The following RHOH variants were observed in gnomAD, a reference collection of about 807,000 sequenced individuals.
RHOH encodes the protein ras homolog family member H.
In RHOH, 6 loss-of-function variants were observed where a neutral mutation model predicts 13.8. The observed-to-expected ratio is 0.44, with a 90% CI of 0.24 to 0.86. The LOEUF is 0.86. Among genes scored for constraint, RHOH ranks in the 40% least tolerant of loss-of-function variants. RHOH has a pLI of 0.24. For missense variants in RHOH, 147 were observed against 244.5 expected (o/e 0.60, Z 2.66); for synonymous variants, 117 against 103.0 (o/e 1.14, Z -0.82).
Position 40,243,487 on chromosome 4 carries a change from A to G in RHOH, c.101A>G (p.Lys34Arg), listed in dbSNP as rs370515707. 6.2e-7 allele frequency: 1 copy of G among 1,613,656 alleles called. No homozygotes were observed. Among genetic ancestry groups the G allele is most frequent in the East Asian group, 2.2e-5 (1 of 44,840 alleles). ...FTSETFPEAY[K>R]PTVYENTGVD... ...TCCGAGACCTTCCCGGAGGCCTACA[A>G]GCCCACAGTGTACGAGAACACAGGG... The change falls in exon 3 of 3, where the codon AAG becomes AGG. Residue 34 changes from lysine (K) to arginine (R), a missense_variant. Around this residue, in one of 3 missense-constraint regions of RHOH, gnomAD observed 80 missense variants for 152.0 expected, o/e 0.53. Coordinates refer to ENST00000381799, the MANE Select transcript of RHOH (RefSeq NM_004310.5). This position sits in a 1 kb window ranked among gnomAD's most constrained non-coding sequence, Gnocchi z 6.2.
chr4:40,210,089 C>CGTGTGTGTGTGTGCGTGT (rs1725080144), intron 1 of RHOH, among the ~76,000 whole-genome samples: 1 of 145,458 alleles, frequency 6.9e-6, no homozygotes, highest in Non-Finnish European at 1.5e-5. Context: ...ACATTGTGTG[C>CGTGTGTGTGTGTGCGTGT]GTGTGTGTGT....
At chr4:40,200,744 A>G (rs558220368) in intron 1 of RHOH, among the ~76,000 whole-genome samples, 1 of 152,342 alleles carries the variant, frequency 6.6e-6, no homozygotes, top group Admixed American at 6.5e-5. Context: ...GCATTTTAAC[A>G]CGCAAACGTA....
At chr4:40,225,717 A>AT (rs1186359088) in intron 1 of RHOH, among the ~76,000 whole-genome samples, 2 of 152,196 alleles carry the variant, frequency 1.3e-5, no homozygotes, top group African/African-American at 4.8e-5. Context: ...CAGCAGAAAA[A>AT]TGTATTTCCG....
At chr4:40,231,257 T>A (rs1257626822) in intron 1 of RHOH, among the ~76,000 whole-genome samples, 1 of 152,022 alleles carries the variant, frequency 6.6e-6, no homozygotes, top group African/African-American at 2.4e-5. Context: ...TACGATGTTA[T>A]GTTAATGGAT....
chr4:40,196,260 A>G (rs1009452737), upstream of RHOH, among the ~76,000 whole-genome samples: 5 of 152,222 alleles, frequency 3.3e-5, no homozygotes, highest in Non-Finnish European at 5.9e-5. Flanking sequence ...AGTAGCATCA[A>G]CAGTTAGTTA....
At chr4:40,219,225 A>G (rs769980671) in intron 1 of RHOH, among the ~76,000 whole-genome samples, 1 of 152,130 alleles carries the variant, frequency 6.6e-6, no homozygotes, top group Non-Finnish European at 1.5e-5. Context: ...CATCCTGGCC[A>G]ACATGGTGAA....
chr4:40,193,699 G>T (rs1288639501), upstream of RHOH: 1 of 152,330 alleles, frequency 6.6e-6, no homozygotes, highest in African/African-American at 2.4e-5. Flanking sequence ...GAAGCCCAAC[G>T]CTGGACTGTA....
chr4:40,232,763 ACTT>A (rs1295043507), intron 1 of RHOH, among the ~76,000 whole-genome samples: 2 of 152,022 alleles, frequency 1.3e-5, no homozygotes, highest in Non-Finnish European at 2.9e-5. Context: ...ACCTCCCTGA[ACTT>A]CTTCTACTTC....
At chr4:40,210,320 G>A (rs1036120363) in intron 1 of RHOH, among the ~76,000 whole-genome samples, 1 of 152,188 alleles carries the variant, frequency 6.6e-6, no homozygotes, top group Non-Finnish European at 1.5e-5. Flanking sequence ...TCGGAGGTCT[G>A]CGTTTCCGGC....
chr4:40,194,449 G>C (rs957158847), upstream of RHOH, among the ~76,000 whole-genome samples: 1 of 152,188 alleles, frequency 6.6e-6, no homozygotes, highest in South Asian at 2.1e-4. Flanking sequence ...GGCTGGTCTC[G>C]AACTCCTGAC....
chr4:40,243,432 G>A lies in RHOH; in HGVS notation c.46G>A (p.Gly16Arg). 1 of 1,611,400 alleles carries A rather than the reference G, an allele frequency of 6.2e-7. No individual in the cohort carries two copies. Among genetic ancestry groups the A allele is most frequent in the Non-Finnish European group, 8.5e-7 (1 of 1,178,490 alleles). The change falls in exon 3 of 3, where the codon GGG (glycine) becomes AGG (arginine). Residue 16 changes from glycine (G) to arginine (R), a missense_variant. Physicochemically the swap from Gly to Arg is moderately radical, Grantham distance 125. Around this residue, in one of 3 missense-constraint regions of RHOH, gnomAD observed 80 missense variants for 152.0 expected, o/e 0.53. Transcript: ENST00000381799. This position sits in a 1 kb window ranked among gnomAD's most constrained non-coding sequence, Gnocchi z 6.2. The part of the protein sequence containing the change: ...KCVLVGDSAV[G>R]KTSLLVRFTS... ...CGTGTTGGTGGGCGACTCTGCTGTGGGGAAAACCTCTCTGTTGGTGCGCTT... is the reference window on the plus strand; with the variant it reads ...CGTGTTGGTGGGCGACTCTGCTGTGAGGAAAACCTCTCTGTTGGTGCGCTT...
intron 1 of RHOH, among the ~76,000 whole-genome samples, chr4:40,212,122 A>C (rs1257244196): frequency 6.6e-6 from 1 of 152,222 alleles, no homozygotes; most frequent in Non-Finnish European, 1.5e-5. Flanking sequence ...ATAAATTATG[A>C]ATACAGATAC....
At chr4:40,239,309 G>C (rs1001824596) in intron 1 of RHOH, among the ~76,000 whole-genome samples, 1 of 152,166 alleles carries the variant, frequency 6.6e-6, no homozygotes, top group East Asian at 1.9e-4. Flanking sequence ...TGATTGAACA[G>C]AGACTTTTTC....
chr4:40,217,718 T>G (rs1326503465), intron 1 of RHOH, among the ~76,000 whole-genome samples: 1 of 152,234 alleles, frequency 6.6e-6, no homozygotes, highest in African/African-American at 2.4e-5. Context: ...GACTTGTATT[T>G]TAGAAGTAGA....
intron 1 of RHOH, among the ~76,000 whole-genome samples, chr4:40,223,882 C>T (rs1726914027): frequency 6.7e-6 from 1 of 149,114 alleles, no homozygotes; most frequent in Non-Finnish European, 1.5e-5. Context: ...AAGCAATTCT[C>T]CTGCCTCAGC....
chr4:40,208,030 A>C (rs1327269699), intron 1 of RHOH, among the ~76,000 whole-genome samples: 1 of 151,950 alleles, frequency 6.6e-6, no homozygotes, highest in African/African-American at 2.4e-5. Flanking sequence ...AAAAAAAAAA[A>C]TCACCAGCGT....
At chr4:40,216,803 A>G (rs1041507667) in intron 1 of RHOH, among the ~76,000 whole-genome samples, 2 of 152,246 alleles carry the variant, frequency 1.3e-5, no homozygotes, top group African/African-American at 4.8e-5. Flanking sequence ...AAAACATACC[A>G]CATAAATGAT....
chr4:40,241,613 G>C (rs1729250583), intron 1 of RHOH, among the ~76,000 whole-genome samples: 1 of 152,184 alleles, frequency 6.6e-6, no homozygotes, highest in Admixed American at 6.5e-5. Flanking sequence ...TTGGCAGCCG[G>C]ACGCGGTGGC....
chr4:40,192,537 A>G (rs984800688), upstream of RHOH, among the ~76,000 whole-genome samples: 2 of 152,262 alleles, frequency 1.3e-5, no homozygotes, highest in African/African-American at 4.8e-5. Context: ...ATGAGCAAAC[A>G]TAGTACTTAT....
Sources: allele counts gnomAD v4.1 joint callset (sites outside exome capture counted in the v4.1 genomes callset), GRCh38; gene constraint gnomAD v4.1.1; regional missense constraint gnomAD v4.1.1; non-coding constraint Gnocchi (gnomAD v3.1); transcripts MANE v1.5; gene names NCBI Gene and HGNC (gene_info 2026-07-23, HGNC 2026-07-21).